OSBP2: variants seen among roughly 807,000 people sequenced by gnomAD.
OSBP2 encodes oxysterol binding protein 2, also known as oxysterol-binding protein 2.
Under a neutral mutation model 96.0 loss-of-function variants are expected in OSBP2, and 66 were observed. The observed-to-expected ratio is 0.69, with a 90% CI of 0.56 to 0.84. The LOEUF is 0.84. OSBP2 is among the 40% of genes least tolerant of loss of function. The probability of loss-of-function intolerance (pLI) is 0.00; values close to 1 mark genes in which losing one functional copy is unlikely to be tolerated. For missense variants in OSBP2, 1,038 were observed against 1,222.7 expected (o/e 0.85, Z 2.25); for synonymous variants, 525 against 520.9 (o/e 1.01, Z -0.11).
At position 30,894,020 on chromosome 22, in the gene OSBP2, G is replaced by A. The variant is rs917419627; in HGVS notation, c.2375+19G>A. On this transcript the variant is annotated intron_variant, in intron 12 of 13. Coordinates refer to ENST00000332585, the MANE Select transcript of OSBP2 (RefSeq NM_030758.4). ...CGCTGCCGTGAGTAGGGCTGGCAGG[G>A]GCCCCGCCACAGGCAAAGGAGAGGG... is the stretch of plus-strand genomic sequence containing the variant. 1 of 1,577,320 alleles carries A rather than the reference G, an allele frequency of 6.3e-7. No individual in the cohort carries two copies. The highest frequency in any genetic ancestry group is 8.6e-7 in the Non-Finnish European group (1 of 1,163,806).
intron 2 of OSBP2, among the ~76,000 whole-genome samples, chr22:30,792,586 A>T (rs575432660): frequency 2.6e-5 from 4 of 152,328 alleles, no homozygotes; most frequent in African/African-American, 9.6e-5. Flanking sequence ...TGCCACCAGC[A>T]TATGGCAATT....
intron 2 of OSBP2, among the ~76,000 whole-genome samples, chr22:30,804,744 C>G (rs372122645): frequency 6.6e-6 from 1 of 152,054 alleles, no homozygotes; most frequent in African/African-American, 2.4e-5. Context: ...TTTTAACTAC[C>G]GTATAAACAC....
At chr22:30,782,324 G>A (rs1483599018) in intron 2 of OSBP2, among the ~76,000 whole-genome samples, 1 of 152,116 alleles carries the variant, frequency 6.6e-6, no homozygotes, top group East Asian at 1.9e-4. Context: ...ACCTCCTGCA[G>A]ACAACCACTA....
intron 1 of OSBP2, among the ~76,000 whole-genome samples, chr22:30,705,448 C>T (rs1229300681): frequency 1.3e-5 from 2 of 152,116 alleles, no homozygotes; most frequent in African/African-American, 4.8e-5. Flanking sequence ...CATGCACCAC[C>T]ATGCCCGGCT....
intron 2 of OSBP2, among the ~76,000 whole-genome samples, chr22:30,817,207 T>C (rs532485727): frequency 6.6e-6 from 1 of 152,360 alleles, no homozygotes; most frequent in African/African-American, 2.4e-5. Context: ...TAAGAATGGC[T>C]ATTCTTAGAA....
At chr22:30,824,595 A>G (rs1237240126) in intron 2 of OSBP2, among the ~76,000 whole-genome samples, 1 of 152,098 alleles carries the variant, frequency 6.6e-6, no homozygotes, top group Non-Finnish European at 1.5e-5. Context: ...CTAGCCCCTG[A>G]CATCGTTATG....
chr22:30,726,490 A>T (rs136372), intron 1 of OSBP2, among the ~76,000 whole-genome samples: 1 of 151,630 alleles, frequency 6.6e-6, no homozygotes, highest in Non-Finnish European at 1.5e-5. Context: ...GAGGGTGGGG[A>T]CAAGGAGAGG....
In OSBP2 at chr22:30,889,633, G is replaced by A. The variant is rs781243314; in HGVS notation, c.1620G>A (p.Met540Ile). The A allele has an allele frequency of 7.4e-6, 12 of 1,613,832 alleles. No homozygotes were observed. The highest frequency in any genetic ancestry group is 8.5e-6 in the Non-Finnish European group (10 of 1,179,970). ...CIGRELSRIP[M>I]PVNFNEPLSM... is the part of the protein sequence containing the mutation. ...GCCGGGAGCTCTCCAGGATCCCCAT[G>A]CCGGTGGGTGGCTCGGGCAGGGCAG... Residue 540 changes from methionine to isoleucine, a missense_variant, in exon 7 of 14, where the codon ATG becomes ATA. By Grantham distance (10) the Met-to-Ile change is conservative. This residue lies in a region of OSBP2 where 737 missense variants were observed against 913.3 expected (regional missense o/e 0.81). Transcript: ENST00000332585.
At position 30,890,671 on chromosome 22, in the gene OSBP2, G is replaced by C; in HGVS notation, c.1624-57G>C. ...CCCTGAACATCCGAGAAAAGCAAGG[G>C]CACCATGCCAAGCCGGGGCTGGTGC... is the stretch of plus-strand genomic sequence containing the variant. On this transcript the variant is annotated intron_variant, in intron 7 of 13. Transcript: ENST00000332585. The surrounding 1 kb of genome is among the most constrained non-coding windows in gnomAD (Gnocchi z 4.4). 1.3e-6 allele frequency: 2 copies of C among 1,593,136 alleles called. No homozygotes were observed. Among genetic ancestry groups the C allele is most frequent in the Non-Finnish European group, 1.7e-6 (2 of 1,171,896 alleles).
intron 2 of OSBP2, among the ~76,000 whole-genome samples, chr22:30,756,332 G>T (rs1182832365): frequency 6.6e-6 from 1 of 152,178 alleles, no homozygotes; most frequent in Non-Finnish European, 1.5e-5. Context: ...TCCAGACTGT[G>T]TCACTTATAA....
At chr22:30,822,662 C>T in intron 2 of OSBP2, 1 of 1,533,956 alleles carries the variant, frequency 6.5e-7, no homozygotes, top group Non-Finnish European at 8.7e-7. Context: ...GACACGGCCT[C>T]CGTGCGCTCC....
rs748211448 is a variant in OSBP2, at chr22:30,824,391, G to A, written c.854-46038G>A. ...GCAGCCAGAACTCAGCTACCATGTC[G>A]GAGACCCTAGGGGGGAATACGGGAG... is the stretch of plus-strand genomic sequence containing the variant. On this transcript the variant is annotated intron_variant, in intron 2 of 13. Transcript: ENST00000332585. Among the ~76,000 whole-genome samples the A allele has an allele frequency of 2.6e-5, 4 of 152,186 alleles. No homozygotes were observed. The East Asian group carries it at 5.8e-4, about 22-fold the overall frequency.
rs887248317 is a variant in OSBP2, at chr22:30,796,238, A to T, written c.853+54869A>T. ...AGCTTCTTGGTGACTGCTGAGGGAA[A>T]TGCTGATCTCCTGGGCTGGATCGAC... On this transcript the variant is annotated intron_variant, in intron 2 of 13. Coordinates refer to ENST00000332585, the MANE Select transcript of OSBP2 (RefSeq NM_030758.4). 1.4e-4 allele frequency among the ~76,000 whole-genome samples: 21 copies of T among 152,162 alleles called. 1 individual carries two copies. Among genetic ancestry groups the T allele is most frequent in the East Asian group, 3.9e-4 (2 of 5,182 alleles).
chr22:30,821,255 A>G (rs936228448), intron 2 of OSBP2, among the ~76,000 whole-genome samples: 1 of 150,990 alleles, frequency 6.6e-6, no homozygotes, highest in African/African-American at 2.5e-5. Context: ...TCTGACATAC[A>G]GTGTACAGGA....
intron 2 of OSBP2, among the ~76,000 whole-genome samples, chr22:30,852,751 C>T (rs1327125124): frequency 1.3e-5 from 2 of 151,916 alleles, no homozygotes; most frequent in Non-Finnish European, 2.9e-5. Flanking sequence ...TTCTTCTTTT[C>T]CAAAAATAAT....
intron 2 of OSBP2, among the ~76,000 whole-genome samples, chr22:30,756,286 T>TG (rs2090139980): frequency 6.6e-6 from 1 of 152,172 alleles, no homozygotes; most frequent in African/African-American, 2.4e-5. Flanking sequence ...TGTCTAACCA[T>TG]GGGGCAGCCC....
intron 3 of OSBP2, among the ~76,000 whole-genome samples, chr22:30,874,196 C>T (rs2039525794): frequency 1.3e-5 from 2 of 152,098 alleles, no homozygotes; most frequent in African/African-American, 2.4e-5. Flanking sequence ...AAGATCGCAC[C>T]ACTGCATTCC....
chr22:30,749,146 A>T (rs550289567), intron 2 of OSBP2, among the ~76,000 whole-genome samples: 1 of 152,104 alleles, frequency 6.6e-6, no homozygotes, highest in Non-Finnish European at 1.5e-5. Flanking sequence ...AGAATCGTGT[A>T]TTTATTACAA....
intron 1 of OSBP2, among the ~76,000 whole-genome samples, chr22:30,720,501 G>C (rs2089531215): frequency 6.6e-6 from 1 of 152,132 alleles, no homozygotes; most frequent in Non-Finnish European, 1.5e-5. Flanking sequence ...CTAAGGGAGA[G>C]CGAGCCAAGA....
Sources: allele counts gnomAD v4.1 joint callset (sites outside exome capture counted in the v4.1 genomes callset), GRCh38; gene constraint gnomAD v4.1.1; regional missense constraint gnomAD v4.1.1; non-coding constraint Gnocchi (gnomAD v3.1); transcripts MANE v1.5; gene names NCBI Gene and HGNC (gene_info 2026-07-23, HGNC 2026-07-21).